KMT2A: variants seen among roughly 807,000 people sequenced by gnomAD.
KMT2A encodes histone-lysine N-methyltransferase 2A.
KMT2A carries 16 observed loss-of-function variants against 345.3 expected under a neutral mutation model. The ratio of observed to expected loss-of-function variants is 0.05; its 90% confidence interval spans 0.03 to 0.07. The LOEUF (loss-of-function observed/expected upper bound fraction) is 0.07, where lower values mean the gene tolerates loss of function less well. KMT2A is among the 10% of genes least tolerant of loss of function. The pLI, the probability that KMT2A is intolerant of heterozygous loss-of-function variation, is 1.00. For missense variants in KMT2A, 3,272 were observed against 4,841.6 expected (o/e 0.68, Z 9.62); for synonymous variants, 1,599 against 1,778.6 (o/e 0.90, Z 2.54).
intron 1 of KMT2A, among the ~76,000 whole-genome samples, chr11:118,457,525 C>A (rs925607750): frequency 3.3e-5 from 5 of 151,846 alleles, no homozygotes; most frequent in Admixed American, 3.3e-4. Flanking sequence ...CCTGCGTTGG[C>A]CTCCCAAAGT....
chr11:118,444,369 A>T (rs2134177802), intron 1 of KMT2A, among the ~76,000 whole-genome samples: 1 of 152,302 alleles, frequency 6.6e-6, no homozygotes, highest in East Asian at 1.9e-4. Context: ...CTAATGAGGA[A>T]ATCCTTTTGT....
At position 118,484,357 on chromosome 11, in the gene KMT2A, A is replaced by C; in HGVS notation, c.4218+43A>C. On this transcript the variant is annotated intron_variant, in intron 9 of 35. Transcript: ENST00000534358. This position sits in a 1 kb window ranked among gnomAD's most constrained non-coding sequence, Gnocchi z 4.1. ...TCATAAAGTATATTGAGTGTCAAAG[A>C]CTTTAAATAAAGAAAATGCTACTAC... 1.3e-6 allele frequency: 2 copies of C among 1,595,966 alleles called. No individual in the cohort carries two copies. Among genetic ancestry groups the C allele is most frequent in the Non-Finnish European group, 1.7e-6 (2 of 1,169,696 alleles).
intron 1 of KMT2A, among the ~76,000 whole-genome samples, chr11:118,452,875 G>A (rs1555029456): frequency 6.6e-6 from 1 of 151,214 alleles, no homozygotes; most frequent in Non-Finnish European, 1.5e-5. Flanking sequence ...CTCGTGATCT[G>A]CCCACCTCGG....
rs1950402954 is a variant in KMT2A, at chr11:118,495,957, A to G, written c.5557+64A>G. On this transcript the variant is annotated intron_variant, in intron 19 of 35. Coordinates refer to ENST00000534358, the MANE Select transcript of KMT2A (RefSeq NM_001197104.2). This position sits in a 1 kb window ranked among gnomAD's most constrained non-coding sequence, Gnocchi z 4.1. ...TAGATGCAGATGATTGACTTCGTGA[A>G]TCCAATTCACTAAAATTAGATATAC... 1 of 1,343,142 alleles carries G rather than the reference A, an allele frequency of 7.4e-7. No homozygotes were observed. Among genetic ancestry groups the G allele is most frequent in the African/African-American group, 1.5e-5 (1 of 68,042 alleles). 83.2% of individuals were successfully genotyped at this position (1,343,142 alleles called of 1,614,324 possible). A position where few individuals can be genotyped will look rare whatever the true frequency, so the allele number is the denominator to read the frequency against.
intron 6 of KMT2A, among the ~76,000 whole-genome samples, chr11:118,480,574 G>A (rs541047410): frequency 2.0e-5 from 3 of 152,214 alleles, no homozygotes; most frequent in South Asian, 4.1e-4. Flanking sequence ...GCAGGAAACT[G>A]AGAATGTTGT....
In KMT2A at chr11:118,474,319, C is replaced by A. The variant is rs376354703; in HGVS notation, c.3156+4C>A. 5 of 1,611,010 alleles carry A rather than the reference C, an allele frequency of 3.1e-6. No individual in the cohort carries two copies. Among genetic ancestry groups the A allele is most frequent in the Non-Finnish European group, 4.2e-6 (5 of 1,178,798 alleles). On this transcript the variant is annotated splice_donor_region_variant and intron_variant, in intron 3 of 35. Transcript: ENST00000534358. The stretch of plus-strand genomic sequence containing the variant: ...AACCGACCAGCCCAAAGCACAGGTA[C>A]TCTTTTCCACCTTGCCTATTAAAAC...
chr11:118,521,001 T>C lies in KMT2A; in HGVS notation c.11513+116T>C. ...CAGTAAGTGAGGATTTTACGGACAC[T>C]ATTTATTGACCCTCATATCCTGGGA... is the stretch of plus-strand genomic sequence containing the variant. On this transcript the variant is annotated intron_variant, in intron 34 of 35. Coordinates refer to ENST00000534358, the MANE Select transcript of KMT2A (RefSeq NM_001197104.2). This position sits in a 1 kb window ranked among gnomAD's most constrained non-coding sequence, Gnocchi z 5.3. 1.3e-6 allele frequency: 1 copy of C among 783,074 alleles called. No individual in the cohort carries two copies. Among genetic ancestry groups the C allele is most frequent in the Non-Finnish European group, 2.2e-6 (1 of 455,866 alleles). The allele number at this position is 783,074 out of a possible 1,614,324, so 48.5% of individuals were successfully genotyped here.
chr11:118,436,654 G>C lies in KMT2A; in HGVS notation c.142G>C (p.Gly48Arg). 8.5e-7 allele frequency: 1 copy of C among 1,180,762 alleles called. No homozygotes were observed. The allele number at this position is 1,180,762 out of a possible 1,614,324, so 73.1% of individuals were successfully genotyped here. The change falls in exon 1 of 36, where the codon GGT becomes CGT. Residue 48 changes from glycine to arginine, a missense_variant. By Grantham distance (125) the Gly-to-Arg change is moderately radical. Transcript: ENST00000534358. The surrounding 1 kb of genome is among the most constrained non-coding windows in gnomAD (Gnocchi z 6.9). ...LLLPPGPPVG[G>R]GGPGAPPSPP... is the part of the protein sequence containing the mutation. ...GCTTCCCCCCGGGCCCCCGGTCGGC[G>C]GTGGCGGCCCCGGGGCGCCCCCCTC...
intron 10 of KMT2A, among the ~76,000 whole-genome samples, chr11:118,488,022 T>C (rs1403031235): frequency 2.0e-5 from 3 of 151,872 alleles, no homozygotes; most frequent in Non-Finnish European, 4.4e-5. Context: ...CTACTAAAAA[T>C]ACAAAAAATT....
rs186509104 is a variant in KMT2A at position 118,513,770 on chromosome 11, A to T, written c.11146+1745A>T. On this transcript the variant is annotated intron_variant, in intron 31 of 35. Coordinates refer to ENST00000534358, the MANE Select transcript of KMT2A (RefSeq NM_001197104.2). ...ATAGAGTGAGACCTCATCTCTATATAAAAAAAAATTGTTTAAATTAGGCAG... is the reference window on the plus strand; with the variant it reads ...ATAGAGTGAGACCTCATCTCTATATTAAAAAAAATTGTTTAAATTAGGCAG... Among the ~76,000 whole-genome samples the T allele has an allele frequency of 3.4e-4, 51 of 150,314 alleles. No individual in the cohort carries two copies. In the East Asian group the frequency reaches 7.8e-3, roughly 23 times the overall value.
At position 118,498,706 on chromosome 11, in the gene KMT2A, G is replaced by A. The variant is rs2134370007; in HGVS notation, c.5961+178G>A. On this transcript the variant is annotated intron_variant, in intron 22 of 35. Transcript: ENST00000534358. The surrounding 1 kb of genome is among the most constrained non-coding windows in gnomAD (Gnocchi z 4.4). Reference sequence around the variant, plus strand: ...CCAGAGTGGTGCATTTGTTACAGTGGATAAACCTACACTGGACACATGGTT... The same window carrying A: ...CCAGAGTGGTGCATTTGTTACAGTGAATAAACCTACACTGGACACATGGTT... Among the ~76,000 whole-genome samples, 1 of 152,208 alleles carries A rather than the reference G, an allele frequency of 6.6e-6. No individual in the cohort carries two copies. Among genetic ancestry groups the A allele is most frequent in the East Asian group, 1.9e-4 (1 of 5,186 alleles).
rs1555046742 is a variant in KMT2A, at chr11:118,503,564, C to T, written c.7672C>T (p.Pro2558Ser). ...ASPLQIESTS[P>S]TEPISASENP... ...CCCTTTGCAAATAGAGTCAACATCT[C>T]CCACAGAACCAATTTCAGCCTCTGA... The change falls in exon 27 of 36, where the codon CCC becomes TCC. Residue 2558 changes from proline to serine, a missense_variant. Pro to Ser is a moderately conservative substitution (Grantham distance 74). Around this residue, in one of 27 missense-constraint regions of KMT2A, gnomAD observed 445 missense variants for 500.9 expected, o/e 0.89. Coordinates refer to ENST00000534358, the MANE Select transcript of KMT2A (RefSeq NM_001197104.2). This position sits in a 1 kb window ranked among gnomAD's most constrained non-coding sequence, Gnocchi z 5.3. The T allele has an allele frequency of 6.2e-7, 1 of 1,614,146 alleles. No individual in the cohort carries two copies. The highest frequency in any genetic ancestry group is 1.7e-5 in the Admixed American group (1 of 60,020).
intron 31 of KMT2A, among the ~76,000 whole-genome samples, chr11:118,518,380 A>G (rs9332856): frequency 6.4e-4 from 97 of 152,360 alleles, no homozygotes; most frequent in African/African-American, 2.2e-3. Flanking sequence ...CATTAACAGC[A>G]TGAGACGGTG....
At chr11:118,437,214 C>T (rs949140899) in intron 1 of KMT2A, among the ~76,000 whole-genome samples, 1 of 151,874 alleles carries the variant, frequency 6.6e-6, no homozygotes, top group Non-Finnish European at 1.5e-5. Context: ...CACAGACCCC[C>T]TCGCCGGGGT....
Position 118,482,073 on chromosome 11 carries a change from G to GCCT in KMT2A, c.3996_3998dup (p.Pro1335dup). On this transcript the variant is annotated inframe_insertion, in exon 7 of 36. Transcript: ENST00000534358. ...CTCCTAGTGAGCCCAAGAAAAAGCA[G>GCCT]CCTCCACCACCAGAATCAGGTGAGT... The GCCT allele has an allele frequency of 6.2e-7, 1 of 1,609,118 alleles. No individual in the cohort carries two copies. The highest frequency in any genetic ancestry group is 8.5e-7 in the Non-Finnish European group (1 of 1,178,310).
In KMT2A at chr11:118,502,529, A is replaced by C. The variant is rs1555046058; in HGVS notation, c.6637A>C (p.Met2213Leu). 2 of 1,614,130 alleles carry C rather than the reference A, an allele frequency of 1.2e-6. No homozygotes were observed. Among genetic ancestry groups the C allele is most frequent in the South Asian group, 2.2e-5 (2 of 91,070 alleles). The part of the protein sequence containing the change: ...LSPQRSKLRI[M>L]SPMRTGNTYS... ...ACCCCAGCGGTCCAAACTCCGGATA[A>C]TGTCTCCAATGAGAACTGGGAATAC... Residue 2213 changes from methionine (M) to leucine (L), a missense_variant, in exon 27 of 36, where the codon ATG becomes CTG. Met to Leu is a conservative substitution (Grantham distance 15). Around this residue, in one of 27 missense-constraint regions of KMT2A, gnomAD observed 445 missense variants for 500.9 expected, o/e 0.89. Coordinates refer to ENST00000534358, the MANE Select transcript of KMT2A (RefSeq NM_001197104.2). This position sits in a 1 kb window ranked among gnomAD's most constrained non-coding sequence, Gnocchi z 4.9.
intron 1 of KMT2A, among the ~76,000 whole-genome samples, chr11:118,457,423 C>CG (rs1352165460): frequency 6.6e-6 from 1 of 151,566 alleles, no homozygotes; most frequent in African/African-American, 2.4e-5. Flanking sequence ...CCCACCACCA[C>CG]GCCTGGCTAA....
At chr11:118,500,901 C>A (rs1950489948) in intron 24 of KMT2A, 86 bp from the exon 25 acceptor site, 1 of 1,036,678 alleles carries the variant, frequency 9.6e-7, no homozygotes, top group Non-Finnish European at 1.4e-6. Flanking sequence ...GGCCAGGGAA[C>A]CTAGGATAAA....
rs536259110 is a variant in KMT2A, at chr11:118,518,940, G to A, written c.11147-678G>A. ...AAAATACGAAAAAAATTAGCCAGGC[G>A]TGGTGGCGGCGCCCGTAGTCCCAGC... On this transcript the variant is annotated intron_variant, in intron 31 of 35. Coordinates refer to ENST00000534358, the MANE Select transcript of KMT2A (RefSeq NM_001197104.2). Among the ~76,000 whole-genome samples the A allele has an allele frequency of 6.2e-4, 91 of 147,260 alleles. 1 individual carries two copies. The highest frequency in any genetic ancestry group is 1.7e-3 in the African/African-American group (66 of 38,618).
Sources: gnomAD v4.1 joint callset for allele counts (sites outside exome capture counted in the v4.1 genomes callset) on GRCh38, gnomAD v4.1.1 for gene constraint, gnomAD v4.1.1 regional missense constraint, Gnocchi (gnomAD v3.1) non-coding constraint, MANE v1.5 for transcripts, NCBI Gene and HGNC (gene_info 2026-07-23, HGNC 2026-07-21) for gene names.